ZBTB38: variants seen among roughly 807,000 people sequenced by gnomAD.
ZBTB38 encodes zinc finger and BTB domain-containing protein 38.
A neutral mutation model predicts 76.8 loss-of-function variants in ZBTB38; 20 were observed. The ratio of observed to expected loss-of-function variants is 0.26; its 90% CI spans 0.18 to 0.38. The LOEUF (loss-of-function observed/expected upper bound fraction) is 0.38, where lower values mean the gene tolerates loss of function less well. Ranked by LOEUF, ZBTB38 falls within the 10% of genes least tolerant of loss-of-function variation. ZBTB38 has a pLI of 1.00. For synonymous variants in ZBTB38, 504 were observed against 544.2 expected (o/e 0.93, Z 1.03); for missense variants, 1,082 against 1,482.3 (o/e 0.73, Z 4.43).
intron 1 of ZBTB38, among the ~76,000 whole-genome samples, chr3:141,350,220 T>C (rs909385785): frequency 6.6e-6 from 1 of 152,218 alleles, no homozygotes; most frequent in African/African-American, 2.4e-5. Flanking sequence ...ATGACATTTG[T>C]AGTCTGTGTT....
At chr3:141,335,644 C>T (rs1365698532) in intron 1 of ZBTB38, among the ~76,000 whole-genome samples, 2 of 152,216 alleles carry the variant, frequency 1.3e-5, no homozygotes, top group East Asian at 3.8e-4. Context: ...CCACTGATGG[C>T]ACAATTATCA....
chr3:141,396,922 G>A (rs1021118349), intron 4 of ZBTB38, among the ~76,000 whole-genome samples: 1 of 152,202 alleles, frequency 6.6e-6, no homozygotes, highest in Non-Finnish European at 1.5e-5. Flanking sequence ...TACAGGCAGA[G>A]TAGATTCAGC....
intron 5 of ZBTB38, among the ~76,000 whole-genome samples, chr3:141,409,477 A>C (rs1955886688): frequency 6.6e-6 from 1 of 152,248 alleles, no homozygotes; most frequent in Non-Finnish European, 1.5e-5. Context: ...TTTAACTGAG[A>C]GGCTCAGAGA....
chr3:141,415,978 G>A (rs959383875), intron 5 of ZBTB38, among the ~76,000 whole-genome samples: 1 of 152,160 alleles, frequency 6.6e-6, no homozygotes, highest in South Asian at 2.1e-4. Flanking sequence ...ATGGTGGAAC[G>A]TGTATCAGTA....
At chr3:141,409,172 A>G (rs1955753880) in intron 5 of ZBTB38, among the ~76,000 whole-genome samples, 2 of 152,086 alleles carry the variant, frequency 1.3e-5, no homozygotes, top group Non-Finnish European at 2.9e-5. Flanking sequence ...CAGCCTCCCA[A>G]GTAGCTGGCA....
chr3:141,369,424 C>A (rs1944221810), intron 1 of ZBTB38, among the ~76,000 whole-genome samples: 1 of 152,186 alleles, frequency 6.6e-6, no homozygotes. Context: ...ATATTAAGCA[C>A]AAAGACACAA....
chr3:141,411,355 T>G (rs1208036034), intron 5 of ZBTB38, among the ~76,000 whole-genome samples: 1 of 152,222 alleles, frequency 6.6e-6, no homozygotes, highest in Non-Finnish European at 1.5e-5. Flanking sequence ...TTAAACCTAT[T>G]TAGTCTGGTC....
chr3:141,330,250 T>C (rs1170121177), intron 1 of ZBTB38, among the ~76,000 whole-genome samples: 9 of 152,182 alleles, frequency 5.9e-5, no homozygotes, highest in Non-Finnish European at 1.5e-5. Context: ...TCATCAGTGC[T>C]GGGTCACTGG....
At chr3:141,326,332 A>T (rs1237314695) in intron 1 of ZBTB38, among the ~76,000 whole-genome samples, 2 of 152,190 alleles carry the variant, frequency 1.3e-5, no homozygotes, top group Non-Finnish European at 2.9e-5. Context: ...AATAAGGAGG[A>T]AAAGAGAATG....
intron 5 of ZBTB38, among the ~76,000 whole-genome samples, chr3:141,426,741 A>G (rs2076473285): frequency 6.6e-6 from 1 of 152,208 alleles, no homozygotes; most frequent in Non-Finnish European, 1.5e-5. Context: ...CCAGGTACTC[A>G]AGACAAAGGC....
chr3:141,411,584 G>C (rs1327831110), intron 5 of ZBTB38, among the ~76,000 whole-genome samples: 4 of 152,150 alleles, frequency 2.6e-5, no homozygotes, highest in African/African-American at 7.2e-5. Flanking sequence ...TTGAGGAAGC[G>C]GAGGCAAGAA....
chr3:141,374,376 G>T (rs772879746), intron 2 of ZBTB38, among the ~76,000 whole-genome samples: 3 of 152,142 alleles, frequency 2.0e-5, no homozygotes, highest in African/African-American at 7.2e-5. Flanking sequence ...AGGAATGATG[G>T]ATGAGTCATC....
chr3:141,420,174 G>A (rs903575607), intron 5 of ZBTB38, among the ~76,000 whole-genome samples: 4 of 152,136 alleles, frequency 2.6e-5, no homozygotes, highest in Admixed American at 6.5e-5. Context: ...TCCAGGCAGG[G>A]TGGGGCACGA....
chr3:141,447,523 CAGAAT>C lies in ZBTB38; in HGVS notation c.*1552_*1556del, dbSNP rs1490597643. 1 of 152,570 alleles carries C rather than the reference CAGAAT, an allele frequency of 6.6e-6. No individual in the cohort carries two copies. The highest frequency in any genetic ancestry group is 3.2e-3 in the Middle Eastern group (1 of 316). 9.5% of individuals were successfully genotyped at this position (152,570 alleles called of 1,614,324 possible). A position where few individuals can be genotyped will look rare whatever the true frequency, so the allele number is the denominator to read the frequency against. On this transcript the variant is annotated 3_prime_UTR_variant, in exon 6 of 6. Transcript: ENST00000321464. ...AACTCATGATTCTTTTTCAAACTGC[CAGAAT>C]AGAAGGGAGAGAGAAAACATTTCTA...
At chr3:141,389,586 T>C (rs1948220952) in intron 4 of ZBTB38, 1 of 152,034 alleles carries the variant, frequency 6.6e-6, no homozygotes, top group Admixed American at 6.6e-5. Context: ...TGATTCAATA[T>C]TGCCTATTTT....
intron 2 of ZBTB38, among the ~76,000 whole-genome samples, chr3:141,372,576 T>A (rs367631880): frequency 6.7e-6 from 1 of 149,600 alleles, no homozygotes; most frequent in South Asian, 2.1e-4. Flanking sequence ...TGCTTGAACC[T>A]GGGAGGCAGA....
chr3:141,404,789 T>C (rs1953769364), intron 5 of ZBTB38, among the ~76,000 whole-genome samples: 1 of 152,198 alleles, frequency 6.6e-6, no homozygotes, highest in African/African-American at 2.4e-5. Context: ...ATACTGCATG[T>C]ATGAAGACCC....
Position 141,443,070 on chromosome 3 carries a change from G to T in ZBTB38, c.682G>T (p.Val228Leu). The change falls in exon 6 of 6, where the codon GTA becomes TTA. Residue 228 changes from valine (V) to leucine (L), a missense_variant. Coordinates refer to ENST00000321464, the MANE Select transcript of ZBTB38 (RefSeq NM_001376113.1). The surrounding 1 kb of genome is among the most constrained non-coding windows in gnomAD (Gnocchi z 5.6). ...CGAGCACTCATACGCTGTTTCTTCC[G>T]TAGCTGAAGCTTACAGAAGTCAGCC... Reference protein sequence around the residue: ...LAEHSYAVSSVAEAYRSQPVR... With the variant: ...LAEHSYAVSSLAEAYRSQPVR... 6.2e-7 allele frequency: 1 copy of T among 1,614,230 alleles called. No homozygotes were observed. The highest frequency in any genetic ancestry group is 8.5e-7 in the Non-Finnish European group (1 of 1,180,052).
chr3:141,391,053 C>T (rs1034948202), intron 4 of ZBTB38, among the ~76,000 whole-genome samples: 3 of 151,754 alleles, frequency 2.0e-5, no homozygotes, highest in African/African-American at 7.3e-5. Flanking sequence ...CTAGCTATGC[C>T]GGAGGCTGAG....
Sources: gnomAD v4.1 joint callset for allele counts (sites outside exome capture counted in the v4.1 genomes callset) on GRCh38, gnomAD v4.1.1 for gene constraint, Gnocchi (gnomAD v3.1) non-coding constraint, MANE v1.5 for transcripts, NCBI Gene and HGNC (gene_info 2026-07-23, HGNC 2026-07-21) for gene names.